Variants in USH2A observed in about 807,000 individuals in gnomAD.
USH2A encodes the protein usherin, also known as Usher syndrome 2A (autosomal recessive, mild).
A neutral mutation model predicts 538.9 loss-of-function variants in USH2A; 443 were observed. The ratio of observed to expected loss-of-function variants is 0.82; its 90% CI spans 0.76 to 0.89. The LOEUF is 0.89. Among genes scored for constraint, USH2A ranks in the 40% least tolerant of loss-of-function variants. USH2A has a pLI of 0.00. For synonymous variants in USH2A, 2,413 were observed against 2,273.5 expected (o/e 1.06, Z -1.75); for missense variants, 6,633 against 6,324.8 (o/e 1.05, Z -1.65).
chr1:216,037,271 A>G (rs2030030768), intron 32 of USH2A, among the ~76,000 whole-genome samples: 1 of 152,150 alleles, frequency 6.6e-6, no homozygotes, highest in Admixed American at 6.6e-5. Context: ...ATGGTGAAGA[A>G]GGACTCTAGT....
chr1:215,956,793 A>T (rs915879402), intron 37 of USH2A, among the ~76,000 whole-genome samples: 1 of 152,140 alleles, frequency 6.6e-6, no homozygotes, highest in Non-Finnish European at 1.5e-5. Context: ...TTGAGAACAG[A>T]TGAGGTCTTA....
At chr1:215,970,532 G>T in intron 36 of USH2A, 93 bp downstream of exon 36, 1 of 1,508,518 alleles carries the variant, frequency 6.6e-7, no homozygotes, top group Non-Finnish European at 9.2e-7. Flanking sequence ...GGCTAGCTGT[G>T]CAGAGGGTGA....
intron 21 of USH2A, among the ~76,000 whole-genome samples, chr1:216,117,523 T>C (rs1195858629): frequency 6.6e-6 from 1 of 152,172 alleles, no homozygotes; most frequent in African/African-American, 2.4e-5. Context: ...TGAACCTGGT[T>C]ATTAATTCAT....
chr1:215,812,805 T>C (rs1662732883), intron 49 of USH2A, among the ~76,000 whole-genome samples: 1 of 152,232 alleles, frequency 6.6e-6, no homozygotes, highest in African/African-American at 2.4e-5. Context: ...TTTAGAAGTC[T>C]TAAATAGTCC....
At chr1:216,142,329 A>G (rs2033618606) in intron 21 of USH2A, among the ~76,000 whole-genome samples, 1 of 152,338 alleles carries the variant, frequency 6.6e-6, no homozygotes, top group Non-Finnish European at 1.5e-5. Context: ...TTATTTCACA[A>G]TTGTGAGTAG....
rs769767476 is a variant in USH2A at position 216,246,752 on chromosome 1, T to G, written c.2642A>C (p.Gln881Pro). Residue 881 changes from glutamine to proline, a missense_variant, in exon 13 of 72, where the codon CAG becomes CCG. Physicochemically the swap from Gln to Pro is moderately conservative, Grantham distance 76. Coordinates refer to ENST00000307340, the MANE Select transcript of USH2A (RefSeq NM_206933.4). Reference protein sequence around the residue: ...KLGVTGLRCNQCEPHRYNLTI... With the variant: ...KLGVTGLRCNPCEPHRYNLTI... ...CAAATTGTACCTGTGAGGCTCACAC[T>G]GATTACAGCGAAGACCTGTTACCCC... is the stretch of plus-strand genomic sequence containing the variant. The G allele has an allele frequency of 4.3e-6, 7 of 1,614,028 alleles. No homozygotes were observed. The highest frequency in any genetic ancestry group is 5.9e-6 in the Non-Finnish European group (7 of 1,180,000).
chr1:216,042,698 TCAGA>T (rs2030333233), intron 32 of USH2A, among the ~76,000 whole-genome samples: 3 of 152,132 alleles, frequency 2.0e-5, no homozygotes, highest in African/African-American at 7.2e-5. Context: ...CTTGCTGACT[TCAGA>T]CAGACAGAGT....
At chr1:216,182,317 G>A (rs549055010) in intron 20 of USH2A, among the ~76,000 whole-genome samples, 75 of 152,088 alleles carry the variant, frequency 4.9e-4, no homozygotes, top group African/African-American at 1.8e-3. Context: ...TACATAGCTT[G>A]GTTGTGTTGT....
chr1:216,110,725 T>C (rs1194826609), intron 21 of USH2A, among the ~76,000 whole-genome samples: 1 of 152,160 alleles, frequency 6.6e-6, no homozygotes, highest in African/African-American at 2.4e-5. Flanking sequence ...CAAAATGATA[T>C]ACAGAAAAAG....
intron 32 of USH2A, among the ~76,000 whole-genome samples, chr1:216,031,302 G>C (rs1374636968): frequency 6.6e-6 from 1 of 152,036 alleles, no homozygotes; most frequent in African/African-American, 2.4e-5. Flanking sequence ...TGTAGGCTTA[G>C]TATCTACAGC....
intron 43 of USH2A, among the ~76,000 whole-genome samples, chr1:215,873,606 A>G (rs1664677438): frequency 6.6e-6 from 1 of 152,302 alleles, no homozygotes; most frequent in East Asian, 1.9e-4. Flanking sequence ...TTAAAAATAT[A>G]TATGAAAATA....
intron 36 of USH2A, among the ~76,000 whole-genome samples, chr1:215,966,774 AT>A (rs1667357702): frequency 6.6e-6 from 1 of 152,188 alleles, no homozygotes; most frequent in Non-Finnish European, 1.5e-5. Context: ...TATAGTTCAT[AT>A]TATTGTACAT....
intron 27 of USH2A, among the ~76,000 whole-genome samples, chr1:216,075,632 T>C (rs1157131511): frequency 2.0e-5 from 3 of 151,882 alleles, no homozygotes; most frequent in Non-Finnish European, 2.9e-5. Flanking sequence ...TCTCTCCCTC[T>C]CCATGGAGGG....
rs1805048 is a variant in USH2A at position 216,289,320 on chromosome 1, T to A, written c.1931A>T (p.Asp644Val). ...AIDVCKPCDC[D>V]TVGTRNGSIL... ...GCTACCATTTCTAGTGCCAACTGTA[T>A]CACAGTCACAGGGTTTGCAAACATC... is the stretch of plus-strand genomic sequence containing the variant. Residue 644 changes from aspartate (D) to valine (V), a missense_variant, in exon 11 of 72, where the codon GAT (aspartate) becomes GTT (valine). Coordinates refer to ENST00000307340, the MANE Select transcript of USH2A (RefSeq NM_206933.4). The A allele has an allele frequency of 0.066, 107,281 of 1,613,914 alleles. 4,060 individuals carry two copies. The highest frequency in any genetic ancestry group is 0.14 in the Middle Eastern group (876 of 6,062).
chr1:215,683,524 C>T (rs956289631), intron 61 of USH2A, among the ~76,000 whole-genome samples: 3 of 152,148 alleles, frequency 2.0e-5, no homozygotes, highest in East Asian at 1.9e-4. Context: ...CTCTCATTTA[C>T]GTACTAAGTT....
At chr1:216,196,872 A>C in intron 18 of USH2A, 150 bp from the exon 19 acceptor site, 1 of 899,296 alleles carries the variant, frequency 1.1e-6, no homozygotes, top group Non-Finnish European at 1.7e-6. Flanking sequence ...ATGCTGGTAT[A>C]TGTAAAAGGT....
intron 21 of USH2A, among the ~76,000 whole-genome samples, chr1:216,135,623 C>A (rs1347323553): frequency 3.9e-5 from 6 of 152,030 alleles, no homozygotes; most frequent in African/African-American, 1.4e-4. Flanking sequence ...GGAAAATACA[C>A]CAAATGGGAA....
chr1:216,039,630 T>A (rs1054574655), intron 32 of USH2A, among the ~76,000 whole-genome samples: 1 of 152,058 alleles, frequency 6.6e-6, no homozygotes, highest in Non-Finnish European at 1.5e-5. Context: ...TAGGTTAAAG[T>A]AAAATTCTAT....
rs750306238 is a variant in USH2A, at chr1:215,973,656, C to CTTTT, written c.6806-2884_6806-2881dup. Reference sequence around the variant, plus strand: ...TCCAAATTTACTTCTTCTTCTTCTTCTTTTTTTTTTTTTTTTTTGTCTATC... The same window carrying CTTTT: ...TCCAAATTTACTTCTTCTTCTTCTTCTTTTTTTTTTTTTTTTTTTTTTGTCTATC... On this transcript the variant is annotated intron_variant, in intron 35 of 71. Coordinates refer to ENST00000307340, the MANE Select transcript of USH2A (RefSeq NM_206933.4). Among the ~76,000 whole-genome samples the CTTTT allele has an allele frequency of 1.7e-3, 222 of 130,954 alleles. 2 individuals carry two copies. The highest frequency in any genetic ancestry group is 4.2e-3 in the African/African-American group (145 of 34,394). The allele number at this position is 130,954 out of a possible 152,430, so 85.9% of individuals were successfully genotyped here. A position where few individuals can be genotyped will look rare whatever the true frequency, so the allele number is the denominator to read the frequency against.
Sources: gnomAD v4.1 joint callset for allele counts (sites outside exome capture counted in the v4.1 genomes callset) on GRCh38, gnomAD v4.1.1 for gene constraint, MANE v1.5 for transcripts, NCBI Gene and HGNC (gene_info 2026-07-23, HGNC 2026-07-21) for gene names.